ZNF274: variants seen among roughly 807,000 people sequenced by gnomAD.
ZNF274 encodes the protein zinc finger protein 274, also known as neurotrophin receptor-interacting factor homolog.
ZNF274 carries 23 observed loss-of-function variants against 42.5 expected under a neutral mutation model. The ratio of observed to expected loss-of-function variants is 0.54; its 90% CI spans 0.39 to 0.77. The LOEUF (loss-of-function observed/expected upper bound fraction) is 0.77, where lower values mean the gene tolerates loss of function less well. Ranked by LOEUF, ZNF274 falls within the 30% of genes least tolerant of loss-of-function variation. The probability of loss-of-function intolerance (pLI) is 0.00; values close to 1 mark genes in which losing one functional copy is unlikely to be tolerated. For missense variants in ZNF274, 679 were observed against 806.5 expected (o/e 0.84, Z 1.91); for synonymous variants, 292 against 305.4 (o/e 0.96, Z 0.46).
chr19:58,192,384 T>A (rs1173306432), intron 4 of ZNF274, among the ~76,000 whole-genome samples: 2 of 152,072 alleles, frequency 1.3e-5, no homozygotes, highest in African/African-American at 4.8e-5. Flanking sequence ...AACAGCACAT[T>A]TGGGGAAAAT....
chr19:58,198,078 C>T (rs1261026314), intron 4 of ZNF274, among the ~76,000 whole-genome samples: 2 of 151,874 alleles, frequency 1.3e-5, no homozygotes, highest in Admixed American at 6.6e-5. Context: ...AAGAAAAATA[C>T]CATCAACAGT....
intron 4 of ZNF274, among the ~76,000 whole-genome samples, chr19:58,205,921 C>T (rs965934314): frequency 1.3e-5 from 2 of 152,182 alleles, no homozygotes; most frequent in Non-Finnish European, 2.9e-5. Flanking sequence ...CCTATAACAG[C>T]TCTATGGAGA....
rs1024186773 is a variant in ZNF274 at position 58,212,237 on chromosome 19, G to A, written c.1056G>A (p.Leu352=). 1 of 1,613,668 alleles carries A rather than the reference G, an allele frequency of 6.2e-7. No individual in the cohort carries two copies. The highest frequency in any genetic ancestry group is 8.5e-7 in the Non-Finnish European group (1 of 1,179,896). The change falls in exon 8 of 8, where the codon CTG becomes CTA. Residue 352 remains leucine (L), a synonymous_variant. Coordinates refer to ENST00000617501, the MANE Select transcript of ZNF274 (RefSeq NM_133502.3). The surrounding 1 kb of genome is among the most constrained non-coding windows in gnomAD (Gnocchi z 4.6). The part of the protein sequence containing the change: ...DIPEEEPAPS[L]KVQESSRDCA... ...CTGAGGAAGAACCAGCCCCCAGCCTGAAAGTACAAGAATCCTCAAGGGATT... is the reference window on the plus strand; with the variant it reads ...CTGAGGAAGAACCAGCCCCCAGCCTAAAAGTACAAGAATCCTCAAGGGATT...
intron 4 of ZNF274, among the ~76,000 whole-genome samples, chr19:58,196,970 C>G (rs1279153250): frequency 6.6e-6 from 1 of 152,202 alleles, no homozygotes; most frequent in Non-Finnish European, 1.5e-5. Context: ...GGAAAGACTT[C>G]TGGCCTAACT....
In ZNF274 at chr19:58,207,376, C is replaced by T. The variant is rs1407293484; in HGVS notation, c.739+174C>T. ...GTTCCTGAGTCAGAGCCACTGAAAC[C>T]CTTGCATTCTTTAGCCCTTCGTGGG... On this transcript the variant is annotated intron_variant, in intron 5 of 7. Coordinates refer to ENST00000617501, the MANE Select transcript of ZNF274 (RefSeq NM_133502.3). The surrounding 1 kb of genome is among the most constrained non-coding windows in gnomAD (Gnocchi z 5.6). Among the ~76,000 whole-genome samples the T allele has an allele frequency of 1.3e-5, 2 of 152,118 alleles. No homozygotes were observed. The highest frequency in any genetic ancestry group is 2.9e-5 in the Non-Finnish European group (2 of 68,008).
chr19:58,189,487 A>T (rs2075753196), intron 4 of ZNF274, among the ~76,000 whole-genome samples: 1 of 152,140 alleles, frequency 6.6e-6, no homozygotes, highest in Non-Finnish European at 1.5e-5. Flanking sequence ...TATTGGAAAT[A>T]TCATATTTGT....
At chr19:58,184,276 C>A in intron 2 of ZNF274, 1 of 375,322 alleles carries the variant, frequency 2.7e-6, no homozygotes, top group East Asian at 4.8e-5. Flanking sequence ...GAGTAATTGA[C>A]AGGTCTTTTG....
rs1397231106 is a variant in ZNF274, at chr19:58,197,404, CAT to C, written c.257-9315_257-9314del. Among the ~76,000 whole-genome samples, 5 of 152,336 alleles carry C rather than the reference CAT, an allele frequency of 3.3e-5. No homozygotes were observed. In the East Asian group the frequency reaches 9.6e-4, roughly 29 times the overall value. On this transcript the variant is annotated intron_variant, in intron 4 of 7. Coordinates refer to ENST00000617501, the MANE Select transcript of ZNF274 (RefSeq NM_133502.3). The stretch of plus-strand genomic sequence containing the variant: ...GAAATGTCTCATCCTATTTTTATAT[CAT>C]GTCGTAGAGAAGGCAAACCCTACAT...
chr19:58,194,883 C>G (rs1336806019), intron 4 of ZNF274, among the ~76,000 whole-genome samples: 2 of 151,942 alleles, frequency 1.3e-5, no homozygotes, highest in Admixed American at 1.3e-4. Flanking sequence ...CGCCAGTAGT[C>G]CCAGCTACTC....
rs1486149501 is a variant in ZNF274 at position 58,183,989 on chromosome 19, C to T, written c.24C>T (p.Ala8=). The T allele has an allele frequency of 1.3e-6, 2 of 1,595,468 alleles. No individual in the cohort carries two copies. The highest frequency in any genetic ancestry group is 1.8e-5 in the Admixed American group (1 of 56,914). ...CTATGGCCTCCAGGCTTCCGACGGC[C>T]TGGTCCTGTGTGAGTAGAGGCTTCC... MASRLPT[A]WSCEPVTFED... The change falls in exon 2 of 8, where the codon GCC becomes GCT. Residue 8 remains alanine (A), a synonymous_variant. Transcript: ENST00000617501.
At chr19:58,184,083 A>G in intron 2 of ZNF274, 85 bp downstream of exon 2, 2 of 1,460,364 alleles carry the variant, frequency 1.4e-6, no homozygotes, top group Non-Finnish European at 1.9e-6. Context: ...CTTCCCTGAG[A>G]TACCCCCATC....
At chr19:58,202,740 C>T (rs776426436) in intron 4 of ZNF274, among the ~76,000 whole-genome samples, 8 of 152,166 alleles carry the variant, frequency 5.3e-5, no homozygotes, top group Non-Finnish European at 1.2e-4. Context: ...CTGCAATAGA[C>T]AGTGGTAAGG....
intron 4 of ZNF274, among the ~76,000 whole-genome samples, chr19:58,192,492 G>A (rs774593147): frequency 1.1e-4 from 17 of 152,256 alleles, no homozygotes; most frequent in Non-Finnish European, 2.1e-4. Context: ...AGGTGACTGC[G>A]TCTAACATAT....
At chr19:58,205,497 C>A (rs894463683) in intron 4 of ZNF274, among the ~76,000 whole-genome samples, 2 of 152,122 alleles carry the variant, frequency 1.3e-5, no homozygotes, top group African/African-American at 2.4e-5. Context: ...GCCATCACAC[C>A]TGATTAATTT....
At chr19:58,187,740 T>G (rs1477176702) in intron 4 of ZNF274, among the ~76,000 whole-genome samples, 1 of 151,306 alleles carries the variant, frequency 6.6e-6, no homozygotes, top group Non-Finnish European at 1.5e-5. Context: ...TTTATTTATT[T>G]TTTGAGATGG....
intron 3 of ZNF274, 125 bp downstream of exon 3, chr19:58,185,963 A>T: frequency 3.6e-6 from 3 of 824,834 alleles, no homozygotes; most frequent in Non-Finnish European, 5.1e-6. Flanking sequence ...GCTTTTCAGT[A>T]TGACTTCTGA....
chr19:58,207,816 T>A lies in ZNF274; in HGVS notation c.739+614T>A, dbSNP rs907981864. 6.6e-6 allele frequency among the ~76,000 whole-genome samples: 1 copy of A among 152,210 alleles called. No individual in the cohort carries two copies. The highest frequency in any genetic ancestry group is 1.5e-5 in the Non-Finnish European group (1 of 68,036). On this transcript the variant is annotated intron_variant, in intron 5 of 7. Transcript: ENST00000617501. The surrounding 1 kb of genome is among the most constrained non-coding windows in gnomAD (Gnocchi z 5.6). ...CTGGCACTGCCAGTGGGGACTTTAG[T>A]CCTAAAGCAAAGCAAAATGTTCTTC...
rs2076038626 is a variant in ZNF274 at position 58,211,430 on chromosome 19, C to T, written c.853-130C>T. 7.9e-7 allele frequency: 1 copy of T among 1,260,478 alleles called. No homozygotes were observed. The highest frequency in any genetic ancestry group is 1.1e-6 in the Non-Finnish European group (1 of 936,468). 78.1% of individuals were successfully genotyped at this position (1,260,478 alleles called of 1,614,324 possible). On this transcript the variant is annotated intron_variant, in intron 6 of 7. Transcript: ENST00000617501. This position sits in a 1 kb window ranked among gnomAD's most constrained non-coding sequence, Gnocchi z 4.8. Reference sequence around the variant, plus strand: ...TGGGCCCTGGGTTGGTGTCTCTGAGCAAATCCCCAAAGCAGGAGAGTCCCT... The same window carrying T: ...TGGGCCCTGGGTTGGTGTCTCTGAGTAAATCCCCAAAGCAGGAGAGTCCCT...
intron 4 of ZNF274, among the ~76,000 whole-genome samples, chr19:58,193,243 T>C (rs1259056236): frequency 6.6e-6 from 1 of 151,366 alleles, no homozygotes; most frequent in African/African-American, 2.4e-5. Context: ...ACCTCCTGGG[T>C]TCACGCCATT....
Sources: gnomAD v4.1 joint callset for allele counts (sites outside exome capture counted in the v4.1 genomes callset) on GRCh38, gnomAD v4.1.1 for gene constraint, Gnocchi (gnomAD v3.1) non-coding constraint, MANE v1.5 for transcripts, NCBI Gene and HGNC (gene_info 2026-07-23, HGNC 2026-07-21) for gene names.